KCNK1: variants seen among roughly 807,000 people sequenced by gnomAD.
KCNK1 encodes the protein potassium channel subfamily K member 1.
Under a neutral mutation model 22.2 loss-of-function variants are expected in KCNK1, and 10 were observed. That is an observed-to-expected ratio of 0.45 (90% CI 0.28 to 0.76). KCNK1 has a LOEUF of 0.76. Among genes scored for constraint, KCNK1 ranks in the 30% least tolerant of loss-of-function variants. KCNK1 has a pLI of 0.14. For missense variants in KCNK1, 378 were observed against 421.0 expected (o/e 0.90, Z 0.89); for synonymous variants, 200 against 186.4 (o/e 1.07, Z -0.60).
At chr1:233,645,438 C>G (rs993359587) in intron 1 of KCNK1, among the ~76,000 whole-genome samples, 4 of 151,996 alleles carry the variant, frequency 2.6e-5, no homozygotes, top group Non-Finnish European at 4.4e-5. Context: ...TTATAAAAGA[C>G]AGAAAAGGGG....
At chr1:233,669,583 C>T (rs998368590) in intron 2 of KCNK1, among the ~76,000 whole-genome samples, 7 of 152,154 alleles carry the variant, frequency 4.6e-5, no homozygotes, top group African/African-American at 1.4e-4. Context: ...CACGGTGGCT[C>T]ATGCCTGTAA....
chr1:233,617,231 A>G (rs1487264658), intron 1 of KCNK1, among the ~76,000 whole-genome samples: 2 of 152,198 alleles, frequency 1.3e-5, no homozygotes, highest in African/African-American at 4.8e-5. Context: ...TTATGTCAGA[A>G]TCTTCTCACC....
intron 1 of KCNK1, among the ~76,000 whole-genome samples, chr1:233,632,245 T>A (rs1266673368): frequency 1.3e-5 from 2 of 152,212 alleles, no homozygotes; most frequent in East Asian, 3.9e-4. Context: ...GATGACAGGT[T>A]CTGCATGAAT....
chr1:233,656,948 C>G (rs1245996809), intron 1 of KCNK1, among the ~76,000 whole-genome samples: 1 of 152,158 alleles, frequency 6.6e-6, no homozygotes, highest in Non-Finnish European at 1.5e-5. Context: ...CTTTTATTTA[C>G]TTTTTTTGGT....
chr1:233,625,628 G>A (rs1657676012), intron 1 of KCNK1, among the ~76,000 whole-genome samples: 1 of 152,180 alleles, frequency 6.6e-6, no homozygotes, highest in African/African-American at 2.4e-5. Context: ...GATGTTAGGT[G>A]GTGATAGGTG....
At chr1:233,620,070 A>G (rs1657556129) in intron 1 of KCNK1, among the ~76,000 whole-genome samples, 1 of 152,198 alleles carries the variant, frequency 6.6e-6, no homozygotes, top group African/African-American at 2.4e-5. Context: ...AAAAAAAAAG[A>G]AAAAGAAAAA....
In KCNK1 at chr1:233,637,183, G is replaced by C. The variant is rs569342288; in HGVS notation, c.355+22657G>C. On this transcript the variant is annotated intron_variant, in intron 1 of 2. Transcript: ENST00000366621. Reference sequence around the variant, plus strand: ...TGCACTCCAGCCTGGGCGACAGAGTGAGACTCTGTTTCAAAAAAAAAAAAA... The same window carrying C: ...TGCACTCCAGCCTGGGCGACAGAGTCAGACTCTGTTTCAAAAAAAAAAAAA... 24 of 127,506 alleles carry C rather than the reference G, an allele frequency of 1.9e-4. No individual in the cohort carries two copies. The Admixed American group carries it at 2.2e-3, about 11-fold the overall frequency. 7.9% of individuals were successfully genotyped at this position (127,506 alleles called of 1,614,324 possible).
At chr1:233,626,926 T>C (rs771454478) in intron 1 of KCNK1, among the ~76,000 whole-genome samples, 9 of 152,158 alleles carry the variant, frequency 5.9e-5, no homozygotes, top group Non-Finnish European at 7.3e-5. Flanking sequence ...CAGTACTCTT[T>C]TAAGGAGTAG....
Position 233,666,830 on chromosome 1 carries a change from C to A in KCNK1, c.591C>A (p.Phe197Leu). ...TTGTCACTGTGTCCTGCTTCTTCTT[C>A]ATCCCGGCCGCTGTCTTCTCAGTCC... The part of the protein sequence containing the change: ...LGFVTVSCFF[F>L]IPAAVFSVLE... Residue 197 changes from phenylalanine to leucine, a missense_variant, in exon 2 of 3, where the codon TTC (phenylalanine) becomes TTA (leucine). Transcript: ENST00000366621. 2 of 1,614,236 alleles carry A rather than the reference C, an allele frequency of 1.2e-6. No homozygotes were observed. The highest frequency in any genetic ancestry group is 2.7e-5 in the African/African-American group (2 of 75,058).
chr1:233,642,930 G>A (rs1055297436), intron 1 of KCNK1, among the ~76,000 whole-genome samples: 4 of 143,430 alleles, frequency 2.8e-5, no homozygotes, highest in Admixed American at 7.1e-5. Flanking sequence ...CACCGCACCC[G>A]GCTAATTTTT....
At chr1:233,628,546 G>T (rs779437468) in intron 1 of KCNK1, among the ~76,000 whole-genome samples, 14 of 152,104 alleles carry the variant, frequency 9.2e-5, no homozygotes, top group Admixed American at 5.9e-4. Flanking sequence ...GATCACCTGA[G>T]CTCAGGAGTT....
intron 1 of KCNK1, among the ~76,000 whole-genome samples, chr1:233,647,751 T>C (rs1167163674): frequency 6.6e-6 from 1 of 152,176 alleles, no homozygotes; most frequent in African/African-American, 2.4e-5. Context: ...GTAGCTTTAG[T>C]GAAATTGCGT....
intron 2 of KCNK1, among the ~76,000 whole-genome samples, chr1:233,668,459 T>A (rs1189494074): frequency 6.6e-6 from 1 of 152,232 alleles, no homozygotes; most frequent in African/African-American, 2.4e-5. Flanking sequence ...TTACTTAGGA[T>A]AATTTTATAT....
intron 1 of KCNK1, among the ~76,000 whole-genome samples, chr1:233,640,695 G>A (rs1398795506): frequency 6.6e-6 from 1 of 151,920 alleles, no homozygotes; most frequent in Admixed American, 6.6e-5. Flanking sequence ...TTGTGCTATG[G>A]TTCTGCTTTT....
At chr1:233,656,756 C>T (rs1175290841) in intron 1 of KCNK1, among the ~76,000 whole-genome samples, 4 of 152,146 alleles carry the variant, frequency 2.6e-5, no homozygotes. Context: ...ATAGCTGGGA[C>T]TACTGGCACA....
intron 1 of KCNK1, among the ~76,000 whole-genome samples, chr1:233,622,918 T>A (rs1416101482): frequency 6.6e-6 from 1 of 152,170 alleles, no homozygotes; most frequent in Non-Finnish European, 1.5e-5. Context: ...TGACTGGGAT[T>A]GACCAACTTT....
intron 1 of KCNK1, among the ~76,000 whole-genome samples, chr1:233,646,273 A>C (rs1250455582): frequency 6.6e-6 from 1 of 152,124 alleles, no homozygotes; most frequent in African/African-American, 2.4e-5. Flanking sequence ...AGAGCTTTCC[A>C]AAAAAGATAC....
intron 1 of KCNK1, among the ~76,000 whole-genome samples, chr1:233,619,046 C>G (rs1657533336): frequency 1.3e-5 from 2 of 152,068 alleles, no homozygotes; most frequent in South Asian, 4.2e-4. Flanking sequence ...GAGATAGGGT[C>G]TCGCTCTCTC....
intron 1 of KCNK1, among the ~76,000 whole-genome samples, chr1:233,645,805 C>T (rs148081526): frequency 1.9e-3 from 283 of 152,214 alleles, no homozygotes; most frequent in Admixed American, 3.7e-3. Flanking sequence ...AGAGAAAAAT[C>T]ACGTGGCTTG....
Sources: allele counts gnomAD v4.1 joint callset (sites outside exome capture counted in the v4.1 genomes callset), GRCh38; gene constraint gnomAD v4.1.1; transcripts MANE v1.5; gene names NCBI Gene and HGNC (gene_info 2026-07-23, HGNC 2026-07-21).